Variants in CSMD1 observed in about 807,000 individuals in gnomAD.
CSMD1 encodes CUB and Sushi multiple domains 1, also known as CUB and sushi domain-containing protein 1.
In CSMD1, 213 loss-of-function variants were observed where a neutral mutation model predicts 417.5. The observed-to-expected ratio is 0.51, with a 90% confidence interval of 0.46 to 0.57. The LOEUF (loss-of-function observed/expected upper bound fraction) is 0.57, where lower values mean the gene tolerates loss of function less well. CSMD1 is among the 20% of genes least tolerant of loss of function. The pLI is 0.00. For synonymous variants in CSMD1, 2,862 were observed against 1,736.8 expected (o/e 1.65, Z -16.11); for missense variants, 6,923 against 4,529.7 (o/e 1.53, Z -15.17).
chr8:3,732,345 C>G (rs1796316924), intron 6 of CSMD1, among the ~76,000 whole-genome samples: 1 of 151,922 alleles, frequency 6.6e-6, no homozygotes, highest in South Asian at 2.1e-4. Flanking sequence ...GGATCACAGC[C>G]TCACCATAGT....
intron 5 of CSMD1, among the ~76,000 whole-genome samples, chr8:3,782,516 G>C (rs1435731030): frequency 1.3e-5 from 2 of 152,174 alleles, no homozygotes; most frequent in African/African-American, 4.8e-5. Context: ...GGCTGGGGGA[G>C]GGATAGCATG....
At chr8:3,112,614 A>G (rs1194710848) in intron 42 of CSMD1, among the ~76,000 whole-genome samples, 4 of 152,200 alleles carry the variant, frequency 2.6e-5, no homozygotes, top group African/African-American at 9.7e-5. Context: ...ATCTACTGAG[A>G]GTGGGTTATG....
intron 1 of CSMD1, among the ~76,000 whole-genome samples, chr8:4,681,651 C>A (rs1342769611): frequency 6.6e-6 from 1 of 152,150 alleles, no homozygotes; most frequent in African/African-American, 2.4e-5. Flanking sequence ...GCTGGCACGT[C>A]AATCCTGCTC....
intron 3 of CSMD1, among the ~76,000 whole-genome samples, chr8:4,293,354 C>G (rs1797479002): frequency 6.6e-6 from 1 of 152,206 alleles, no homozygotes; most frequent in African/African-American, 2.4e-5. Context: ...TAATATCTTA[C>G]TAGTAAGTCC....
At chr8:3,461,287 T>C (rs1289101979) in intron 12 of CSMD1, among the ~76,000 whole-genome samples, 2 of 152,050 alleles carry the variant, frequency 1.3e-5, no homozygotes, top group South Asian at 2.1e-4. Flanking sequence ...CAGAAGGCTT[T>C]TGCTGGATAG....
intron 3 of CSMD1, among the ~76,000 whole-genome samples, chr8:4,222,835 G>A (rs1236617735): frequency 1.3e-5 from 2 of 152,078 alleles, no homozygotes; most frequent in Non-Finnish European, 2.9e-5. Flanking sequence ...AAGAGTCGCT[G>A]AAAATACCAT....
rs138251069 is a variant in CSMD1, at chr8:4,894,176, G to C, written c.85+100156C>G. Among the ~76,000 whole-genome samples, 19 of 152,008 alleles carry C rather than the reference G, an allele frequency of 1.2e-4. No individual in the cohort carries two copies. The East Asian group carries it at 3.5e-3, about 28-fold the overall frequency. On this transcript the variant is annotated intron_variant, in intron 1 of 69. Coordinates refer to ENST00000635120, the MANE Select transcript of CSMD1 (RefSeq NM_033225.6). ...ACAGTGAACAGTTTTTATGTTATTAGCTCTTTCTATATGTCTTATCAGATA... is the reference window on the plus strand; with the variant it reads ...ACAGTGAACAGTTTTTATGTTATTACCTCTTTCTATATGTCTTATCAGATA...
chr8:4,353,073 T>C (rs1279635647), intron 3 of CSMD1, among the ~76,000 whole-genome samples: 4 of 152,244 alleles, frequency 2.6e-5, no homozygotes, highest in African/African-American at 9.6e-5. Context: ...TCAGATATTG[T>C]CAACTTCACT....
intron 23 of CSMD1, among the ~76,000 whole-genome samples, chr8:3,309,691 G>C (rs937186141): frequency 6.6e-6 from 1 of 152,134 alleles, no homozygotes; most frequent in African/African-American, 2.4e-5. Flanking sequence ...AACTTTGAAT[G>C]CTTTCTTTTC....
At chr8:4,725,256 C>G (rs1809350411) in intron 1 of CSMD1, among the ~76,000 whole-genome samples, 2 of 152,168 alleles carry the variant, frequency 1.3e-5, no homozygotes, top group Admixed American at 6.5e-5. Context: ...AAGTATCGAA[C>G]TTCATTGGTA....
chr8:4,020,852 A>G (rs1039814710), intron 4 of CSMD1, among the ~76,000 whole-genome samples: 1 of 152,174 alleles, frequency 6.6e-6, no homozygotes, highest in Non-Finnish European at 1.5e-5. Flanking sequence ...TTTTGCCTAA[A>G]CTAATTTTAA....
intron 25 of CSMD1, among the ~76,000 whole-genome samples, chr8:3,285,202 C>T (rs35613955): frequency 0.098 from 14,928 of 152,144 alleles, 973 homozygotes; most frequent in East Asian, 0.27. Flanking sequence ...AAAAACTACC[C>T]ACGAGTCTCA....
At chr8:4,391,778 C>T (rs1803864707) in intron 3 of CSMD1, among the ~76,000 whole-genome samples, 1 of 152,142 alleles carries the variant, frequency 6.6e-6, no homozygotes, top group African/African-American at 2.4e-5. Flanking sequence ...TCCCTCTCCC[C>T]TGAGTTTGAG....
At chr8:4,321,047 T>G (rs76383047) in intron 3 of CSMD1, among the ~76,000 whole-genome samples, 2,382 of 152,304 alleles carry the variant, frequency 0.016, 66 homozygotes, top group African/African-American at 0.054. Flanking sequence ...CACATTTTGT[T>G]TTACACACAG....
intron 2 of CSMD1, among the ~76,000 whole-genome samples, chr8:4,631,012 G>A (rs1013502725): frequency 6.6e-6 from 1 of 152,182 alleles, no homozygotes; most frequent in African/African-American, 2.4e-5. Flanking sequence ...AGCTTTGACA[G>A]TGGCTTCACC....
At chr8:4,786,069 C>T (rs189297029) in intron 1 of CSMD1, among the ~76,000 whole-genome samples, 55 of 152,098 alleles carry the variant, frequency 3.6e-4, no homozygotes, top group African/African-American at 7.0e-4. Context: ...TATAAAAATA[C>T]GAATAAAATG....
chr8:4,503,442 T>TATTTCCAAATTTCCAATA (rs1802361330), intron 2 of CSMD1, among the ~76,000 whole-genome samples: 4 of 152,172 alleles, frequency 2.6e-5, no homozygotes, highest in Admixed American at 2.6e-4. Context: ...ATTCGCAATA[T>TATTTCCAAATTTCCAATA]GTTTCCAAAT....
At chr8:3,886,350 A>G (rs1806562523) in intron 5 of CSMD1, among the ~76,000 whole-genome samples, 1 of 152,182 alleles carries the variant, frequency 6.6e-6, no homozygotes, top group African/African-American at 2.4e-5. Flanking sequence ...TGCCAGGCCC[A>G]TTATATATTT....
At chr8:4,514,518 C>G (rs764102756) in intron 2 of CSMD1, among the ~76,000 whole-genome samples, 4 of 152,158 alleles carry the variant, frequency 2.6e-5, no homozygotes, top group Non-Finnish European at 4.4e-5. Context: ...GAGGGAACAT[C>G]GTGAGTTAAA....
Sources: gnomAD v4.1 joint callset for allele counts (sites outside exome capture counted in the v4.1 genomes callset) on GRCh38, gnomAD v4.1.1 for gene constraint, MANE v1.5 for transcripts, NCBI Gene and HGNC (gene_info 2026-07-23, HGNC 2026-07-21) for gene names.